The following NID1 variants were observed in gnomAD, a reference collection of about 807,000 sequenced individuals.
NID1 encodes the protein nidogen 1.
Under a neutral mutation model 130.6 loss-of-function variants are expected in NID1, and 76 were observed. The observed-to-expected ratio is 0.58, with a 90% CI of 0.48 to 0.70. The LOEUF (loss-of-function observed/expected upper bound fraction) is 0.70. NID1 is among the 30% of genes least tolerant of loss of function. The pLI, the probability that NID1 is intolerant of heterozygous loss-of-function variation, is 0.00. For synonymous variants in NID1, 665 were observed against 675.1 expected (o/e 0.98, Z 0.23); for missense variants, 1,517 against 1,664.8 (o/e 0.91, Z 1.54).
intron 1 of NID1, among the ~76,000 whole-genome samples, chr1:236,055,565 G>A (rs956113662): frequency 4.6e-5 from 7 of 151,890 alleles, no homozygotes; most frequent in African/African-American, 1.5e-4. Flanking sequence ...TGAGGCATGA[G>A]AATCACTTGA....
At chr1:236,009,057 G>A (rs1408298705) in intron 12 of NID1, among the ~76,000 whole-genome samples, 2 of 152,124 alleles carry the variant, frequency 1.3e-5, no homozygotes, top group East Asian at 1.9e-4. Flanking sequence ...CATTAGAAAC[G>A]CAGACGCAGC....
In NID1 at chr1:236,038,222, C is replaced by T. The variant is rs144709709; in HGVS notation, c.1167G>A (p.Thr389=). 7.3e-5 allele frequency: 117 copies of T among 1,613,216 alleles called. No homozygotes were observed. In the African/African-American group the frequency reaches 1.3e-3, roughly 17 times the overall value. ...AGCACTGGTGTCTGTTGTTAGCACACGTCTGGCGGGAATCCGTGTTATAGC... is the reference window on the plus strand; with the variant it reads ...AGCACTGGTGTCTGTTGTTAGCACATGTCTGGCGGGAATCCGTGTTATAGC... ...VFSYNTDSRQ[T]CANNRHQCSV... The change falls in exon 5 of 20, where the codon ACG becomes ACA. Residue 389 remains threonine (T), a synonymous_variant. Transcript: ENST00000264187.
At position 235,978,004 on chromosome 1, in the gene NID1, A is replaced by T. The variant is rs376993933; in HGVS notation, c.3623-16T>A. ...TAGTTATGGCCTGGAAAAGGCAGAA[A>T]TCAGTTCAATAGCCCTCTCTCTGAT... is the stretch of plus-strand genomic sequence containing the variant. On this transcript the variant is annotated splice_polypyrimidine_tract_variant and intron_variant, in intron 19 of 19. Coordinates refer to ENST00000264187, the MANE Select transcript of NID1 (RefSeq NM_002508.3). The T allele has an allele frequency of 5.0e-6, 8 of 1,613,418 alleles. No homozygotes were observed. Among genetic ancestry groups the T allele is most frequent in the African/African-American group, 1.3e-5 (1 of 74,864 alleles).
In NID1 at chr1:235,977,176, A is replaced by G. The variant is rs1657281858; in HGVS notation, c.*691T>C. 6.6e-6 allele frequency: 1 copy of G among 152,214 alleles called. No homozygotes were observed. Among genetic ancestry groups the G allele is most frequent in the Admixed American group, 6.5e-5 (1 of 15,286 alleles). The allele number at this position is 152,214 out of a possible 1,614,324, so 9.4% of individuals were successfully genotyped here. A position where few individuals can be genotyped will look rare whatever the true frequency, so the allele number is the denominator to read the frequency against. ...TTTAACTAACAAATGCCAATATCCT[A>G]CTGCTCAAATATTGACATTCTATCT... On this transcript the variant is annotated 3_prime_UTR_variant, in exon 20 of 20. Coordinates refer to ENST00000264187, the MANE Select transcript of NID1 (RefSeq NM_002508.3).
intron 1 of NID1, among the ~76,000 whole-genome samples, chr1:236,055,334 G>A (rs548631041): frequency 1.3e-3 from 191 of 151,244 alleles, no homozygotes; most frequent in African/African-American, 4.4e-3. Flanking sequence ...TAATAATTCA[G>A]TTTGGGGATG....
chr1:236,032,040 T>C (rs978576816), intron 6 of NID1, among the ~76,000 whole-genome samples: 1 of 151,706 alleles, frequency 6.6e-6, no homozygotes, highest in Admixed American at 6.6e-5. Flanking sequence ...TTCAGGTTGG[T>C]TTGGAATTCA....
intron 14 of NID1, among the ~76,000 whole-genome samples, chr1:235,985,953 A>G (rs10803193): frequency 0.25 from 38,382 of 151,714 alleles, 5,925 homozygotes; most frequent in East Asian, 0.63. Context: ...GTGGCAACAG[A>G]GTCTCACTGT....
Position 236,013,569 on chromosome 1 carries a change from C to G in NID1, c.2255-9G>C, listed in dbSNP as rs141926953. The G allele has an allele frequency of 4.0e-4, 648 of 1,614,112 alleles. 3 individuals are homozygous for G. In the African/African-American group the frequency reaches 8.1e-3, roughly 20 times the overall value. ...GCGCTGGTCCACGACAGCTTCAGAA[C>G]AAAAGGTTGATGCACAGTCTTAGGA... On this transcript the variant is annotated splice_polypyrimidine_tract_variant and intron_variant, in intron 10 of 19. Coordinates refer to ENST00000264187, the MANE Select transcript of NID1 (RefSeq NM_002508.3).
In NID1 at chr1:235,997,116, G is replaced by A. The variant is rs558065692; in HGVS notation, c.2528-3244C>T. On this transcript the variant is annotated intron_variant, in intron 12 of 19. Transcript: ENST00000264187. ...CCCAAAGTGCTGGGACTATAGGCAT[G>A]AGCCACCATGCCTGGCCTCCTCTCT... Among the ~76,000 whole-genome samples, 8 of 152,306 alleles carry A rather than the reference G, an allele frequency of 5.3e-5. No homozygotes were observed. The South Asian group carries it at 1.2e-3, about 24-fold the overall frequency.
At chr1:235,981,907 G>T in intron 15 of NID1, 125 bp from the exon 16 acceptor site, 1 of 824,632 alleles carries the variant, frequency 1.2e-6, no homozygotes, top group Non-Finnish European at 1.8e-6. Context: ...AACCAAATGG[G>T]AATGTGAAAT....
rs373307895 is a variant in NID1 at position 236,025,881 on chromosome 1, G to A, written c.1984+15C>T. ...GCATGAGCACCTGTGCCCAGCATGA[G>A]CTGTATCCCCTTACCCCTCACAGGC... On this transcript the variant is annotated intron_variant, in intron 8 of 19. Coordinates refer to ENST00000264187, the MANE Select transcript of NID1 (RefSeq NM_002508.3). The A allele has an allele frequency of 3.9e-5, 63 of 1,612,824 alleles. No homozygotes were observed. The African/African-American group carries it at 7.2e-4, about 18-fold the overall frequency.
intron 1 of NID1, among the ~76,000 whole-genome samples, chr1:236,062,026 AAAT>A (rs1660050631): frequency 6.6e-6 from 1 of 151,848 alleles, no homozygotes; most frequent in Non-Finnish European, 1.5e-5. Flanking sequence ...CAGTTCCTCA[AAAT>A]ATTAAACATA....
In NID1 at chr1:236,041,273, G is replaced by A. The variant is rs372260616; in HGVS notation, c.1135+637C>T. On this transcript the variant is annotated intron_variant, in intron 4 of 19. Transcript: ENST00000264187. ...AGTAGAGATGGGGTTTCACCATGTTGGCCAGGATGGTCTCAATCTCTTGAG... is the reference window on the plus strand; with the variant it reads ...AGTAGAGATGGGGTTTCACCATGTTAGCCAGGATGGTCTCAATCTCTTGAG... Among the ~76,000 whole-genome samples the A allele has an allele frequency of 2.0e-5, 3 of 151,676 alleles. No individual in the cohort carries two copies. The East Asian group carries it at 5.9e-4, about 30-fold the overall frequency.
chr1:235,978,927 G>T, intron 19 of NID1, 68 bp downstream of exon 19: 1 of 1,069,920 alleles, frequency 9.3e-7, no homozygotes, highest in Non-Finnish European at 1.5e-6. Context: ...ACGGGTAGCA[G>T]CCAGAGTGTG....
chr1:235,986,325 T>C, intron 14 of NID1, among the ~76,000 whole-genome samples: 1 of 152,022 alleles, frequency 6.6e-6, no homozygotes, highest in East Asian at 1.9e-4. Context: ...AAAACTGCTA[T>C]AATCAAAAGT....
At chr1:235,980,222 C>G (rs1657397367) in intron 17 of NID1, among the ~76,000 whole-genome samples, 1 of 152,178 alleles carries the variant, frequency 6.6e-6, no homozygotes, top group Non-Finnish European at 1.5e-5. Flanking sequence ...CCACTTACAA[C>G]ACGAGGGTGG....
chr1:236,032,414 C>T lies in NID1; in HGVS notation c.1524G>A (p.Gly508=), dbSNP rs775501933. Residue 508 remains glycine, a synonymous_variant, in exon 6 of 20, where the codon GGG becomes GGA. Transcript: ENST00000264187. ...FAVEQDGFKN[G]FSITGGEFTR... is the part of the protein sequence containing the mutation. The stretch of plus-strand genomic sequence containing the variant: ...GATATAAATTACCGGTGATGCTGAA[C>T]CCATTCTTGAATCCGTCCTGCTCCA... The T allele has an allele frequency of 6.2e-7, 1 of 1,614,012 alleles. No individual in the cohort carries two copies. The highest frequency in any genetic ancestry group is 2.2e-5 in the East Asian group (1 of 44,890).
rs1203329883 is a variant in NID1, at chr1:235,979,016, C to G, written c.3601G>C (p.Ala1201Pro). The stretch of plus-strand genomic sequence containing the variant: ...TTACCTTGCGGACACTGAGACAGGG[C>G]CGTGGTGATGCCATACAGCCGGGTC... Reference protein sequence around the residue: ...KQTRLYGITTALSQCPQGHNY... With the variant: ...KQTRLYGITTPLSQCPQGHNY... The change falls in exon 19 of 20, where the codon GCC (alanine) becomes CCC (proline). Residue 1201 changes from alanine to proline, a missense_variant. Physicochemically the swap from Ala to Pro is conservative, Grantham distance 27 (BLOSUM62 -1). This residue lies in a region of NID1 where 181 missense variants were observed against 211.3 expected (regional missense o/e 0.86). Transcript: ENST00000264187. The surrounding 1 kb of genome is among the most constrained non-coding windows in gnomAD (Gnocchi z 4.6). 1 of 1,613,490 alleles carries G rather than the reference C, an allele frequency of 6.2e-7. No homozygotes were observed. The highest frequency in any genetic ancestry group is 2.2e-5 in the East Asian group (1 of 44,882).
intron 4 of NID1, among the ~76,000 whole-genome samples, chr1:236,039,963 A>C (rs568006575): frequency 6.6e-6 from 1 of 152,304 alleles, no homozygotes; most frequent in Admixed American, 6.5e-5. Flanking sequence ...TCTCTTCAAC[A>C]TAGGGAAATA....
Sources: gnomAD v4.1 joint callset for allele counts (sites outside exome capture counted in the v4.1 genomes callset) on GRCh38, gnomAD v4.1.1 for gene constraint, gnomAD v4.1.1 regional missense constraint, Gnocchi (gnomAD v3.1) non-coding constraint, MANE v1.5 for transcripts, NCBI Gene and HGNC (gene_info 2026-07-23, HGNC 2026-07-21) for gene names.